The following LDLRAD1 variants were observed in gnomAD, a reference collection of about 807,000 sequenced individuals.
LDLRAD1 encodes low density lipoprotein receptor class A domain containing 1.
Under a neutral mutation model 24.8 loss-of-function variants are expected in LDLRAD1, and 17 were observed. The observed-to-expected ratio is 0.69, with a 90% CI of 0.47 to 1.03. LDLRAD1 has a LOEUF of 1.03. Among genes scored for constraint, LDLRAD1 ranks in the 50% least tolerant of loss-of-function variants. LDLRAD1 has a pLI of 0.00. For synonymous variants in LDLRAD1, 103 were observed against 108.2 expected, an observed-to-expected ratio of 0.95 and a Z score of 0.30; for missense variants, 277 against 271.0, an observed-to-expected ratio of 1.02 and a Z score of -0.16.
chr1:54,013,569 T>G (rs1242217817), intron 3 of LDLRAD1, among the ~76,000 whole-genome samples: 2 of 151,986 alleles, frequency 1.3e-5, no homozygotes, highest in Non-Finnish European at 2.9e-5. Context: ...ACTGGCCTCT[T>G]GCAGTCTCTT....
chr1:54,010,994 A>C (rs1039921919), intron 4 of LDLRAD1, among the ~76,000 whole-genome samples: 1 of 152,312 alleles, frequency 6.6e-6, no homozygotes, highest in East Asian at 1.9e-4. Context: ...AGGGAGCAAG[A>C]TTCTGTTCGT....
rs762367799 is a variant in LDLRAD1 at position 54,012,164 on chromosome 1, C to T, written c.319G>A (p.Asp107Asn). The change falls in exon 4 of 6, where the codon GAC becomes AAC. Residue 107 changes from aspartate (D) to asparagine (N), a missense_variant. Transcript: ENST00000371360. The part of the protein sequence containing the change: ...DGVRTCTHGE[D>N]EDESLCRDVP... ...TCACGGCACAAGCTCTCATCCTCGT[C>T]CTCGCCGTGGGTACAGGTGCGAACG... 5.0e-6 allele frequency: 8 copies of T among 1,613,950 alleles called. No individual in the cohort carries two copies. Among genetic ancestry groups the T allele is most frequent in the East Asian group, 4.5e-5 (2 of 44,896 alleles).
rs1334608819 is a variant in LDLRAD1, at chr1:54,015,660, TTTG to T, written c.74-1299_74-1297del. Reference sequence around the variant, plus strand: ...GGGGGCTTTTGTTTTTTTTGTTTTTTTTGTTTTTTTTTTGAGGCGGAGTCTTGC... The same window carrying T: ...GGGGGCTTTTGTTTTTTTTGTTTTTTTTTTTTTTTTGAGGCGGAGTCTTGC... On this transcript the variant is annotated intron_variant, in intron 2 of 5. Coordinates refer to ENST00000371360, the MANE Select transcript of LDLRAD1 (RefSeq NM_001010978.4). Among the ~76,000 whole-genome samples the T allele has an allele frequency of 5.2e-5, 7 of 134,448 alleles. 2 individuals carry two copies. Among genetic ancestry groups the T allele is most frequent in the Admixed American group, 8.4e-5 (1 of 11,898 alleles). 88.2% of individuals were successfully genotyped at this position (134,448 alleles called of 152,430 possible).
At chr1:54,011,396 A>G (rs1656043932) in intron 4 of LDLRAD1, among the ~76,000 whole-genome samples, 1 of 151,930 alleles carries the variant, frequency 6.6e-6, no homozygotes, top group Non-Finnish European at 1.5e-5. Context: ...GGATGCAAGC[A>G]GAGGCTGGGT....
chr1:54,012,362 G>A (rs1298558988), intron 3 of LDLRAD1, 82 bp from the exon 4 acceptor site: 9 of 1,495,812 alleles, frequency 6.0e-6, no homozygotes, highest in Non-Finnish European at 8.3e-6. Context: ...TCCGCCTAGA[G>A]CTGGCCTGAG....
At chr1:54,010,961 G>A (rs1405841215) in intron 4 of LDLRAD1, among the ~76,000 whole-genome samples, 2 of 152,200 alleles carry the variant, frequency 1.3e-5, no homozygotes, top group African/African-American at 4.8e-5. Flanking sequence ...CACATCACTA[G>A]AGGTAGAAAA....
Position 54,010,423 on chromosome 1 carries a change from A to T in LDLRAD1, c.341-13T>A, listed in dbSNP as rs772630434. 1 of 1,613,656 alleles carries T rather than the reference A, an allele frequency of 6.2e-7. No homozygotes were observed. Among genetic ancestry groups the T allele is most frequent in the South Asian group, 1.1e-5 (1 of 91,050 alleles). On this transcript the variant is annotated splice_polypyrimidine_tract_variant and intron_variant, in intron 4 of 5. Coordinates refer to ENST00000371360, the MANE Select transcript of LDLRAD1 (RefSeq NM_001010978.4). The stretch of plus-strand genomic sequence containing the variant: ...TGGGGCACATCTCCTGTAGAGGTAC[A>T]GAGGAGGCAGGAAGAAGTCCACATC...
At chr1:54,014,149 C>A in intron 3 of LDLRAD1, 87 bp downstream of exon 3, 1 of 1,481,426 alleles carries the variant, frequency 6.8e-7, no homozygotes. Context: ...GGTGGAGAAG[C>A]CAGGCAGGTC....
In LDLRAD1 at chr1:54,014,222, T is replaced by C; in HGVS notation, c.202+14A>G. On this transcript the variant is annotated intron_variant, in intron 3 of 5. Transcript: ENST00000371360. ...CCCGCCGGGTCTGACCCACCCTCTC[T>C]TGGCCGCCCTGACCTGGGGTGCATG... is the stretch of plus-strand genomic sequence containing the variant. 6.4e-7 allele frequency: 1 copy of C among 1,571,432 alleles called. No individual in the cohort carries two copies. Among genetic ancestry groups the C allele is most frequent in the Non-Finnish European group, 8.6e-7 (1 of 1,158,182 alleles).
At chr1:54,011,025 A>G (rs899702422) in intron 4 of LDLRAD1, among the ~76,000 whole-genome samples, 2 of 152,222 alleles carry the variant, frequency 1.3e-5, no homozygotes, top group Non-Finnish European at 2.9e-5. Flanking sequence ...AGACCCAGCT[A>G]GAAGGGCTGA....
intron 5 of LDLRAD1, among the ~76,000 whole-genome samples, chr1:54,009,557 C>T (rs957425710): frequency 2.6e-5 from 4 of 152,144 alleles, no homozygotes; most frequent in Non-Finnish European, 4.4e-5. Flanking sequence ...TACTGAAACC[C>T]GTCTATTCTT....
chr1:54,009,149 G>A lies in LDLRAD1; in HGVS notation c.470-19C>T. 2.5e-6 allele frequency: 4 copies of A among 1,612,320 alleles called. No homozygotes were observed. Among genetic ancestry groups the A allele is most frequent in the Non-Finnish European group, 3.4e-6 (4 of 1,179,398 alleles). ...ACAGTTACTGCAGAGACAAGAGCCAGCAGGAGAGCAGTTGCTGTGTCCTGG... is the reference window on the plus strand; with the variant it reads ...ACAGTTACTGCAGAGACAAGAGCCAACAGGAGAGCAGTTGCTGTGTCCTGG... On this transcript the variant is annotated intron_variant, in intron 5 of 5. Coordinates refer to ENST00000371360, the MANE Select transcript of LDLRAD1 (RefSeq NM_001010978.4).
At chr1:54,015,519 A>C (rs747686386) in intron 2 of LDLRAD1, among the ~76,000 whole-genome samples, 1 of 152,148 alleles carries the variant, frequency 6.6e-6, no homozygotes, top group Admixed American at 6.5e-5. Flanking sequence ...GACATGCCTG[A>C]AGGGGTGTGG....
chr1:54,009,195 A>G (rs1655944084), intron 5 of LDLRAD1, 65 bp from the exon 6 acceptor site: 1 of 1,523,656 alleles, frequency 6.6e-7, no homozygotes, highest in Non-Finnish European at 9.0e-7. Flanking sequence ...GCACCAGGGC[A>G]CTCCCTAGTT....
chr1:54,014,713 G>A (rs941281059), intron 2 of LDLRAD1, among the ~76,000 whole-genome samples: 9 of 152,032 alleles, frequency 5.9e-5, no homozygotes, highest in Non-Finnish European at 1.0e-4. Context: ...AGCTCCATTA[G>A]GCCCTTCATA....
chr1:54,008,962 T>C lies in LDLRAD1; in HGVS notation c.*20A>G. ...CAGTGCCATTCCAGCCAGCCTTCCA[T>C]GCTGGCCTGAGTGGCCCACTCAGGG... On this transcript the variant is annotated 3_prime_UTR_variant, in exon 6 of 6. Transcript: ENST00000371360. 6.3e-7 allele frequency: 1 copy of C among 1,598,990 alleles called. No homozygotes were observed. Among genetic ancestry groups the C allele is most frequent in the Non-Finnish European group, 8.6e-7 (1 of 1,169,510 alleles).
intron 5 of LDLRAD1, 30 bp downstream of exon 5, chr1:54,010,252 C>A: frequency 1.2e-6 from 2 of 1,612,224 alleles, no homozygotes; most frequent in Non-Finnish European, 1.7e-6. Flanking sequence ...TGGACACCAG[C>A]CCCAGCCCAG....
chr1:54,011,687 C>G (rs1656056233), intron 4 of LDLRAD1, among the ~76,000 whole-genome samples: 1 of 152,166 alleles, frequency 6.6e-6, no homozygotes, highest in Non-Finnish European at 1.5e-5. Context: ...CCCCTCTGTG[C>G]TAGGCACTGG....
Position 54,010,275 on chromosome 1 carries a change from C to G in LDLRAD1, c.469+7G>C. The G allele has an allele frequency of 5.0e-6, 8 of 1,613,904 alleles. No individual in the cohort carries two copies. Among genetic ancestry groups the G allele is most frequent in the Non-Finnish European group, 6.8e-6 (8 of 1,179,914 alleles). On this transcript the variant is annotated splice_region_variant and intron_variant, in intron 5 of 5. Transcript: ENST00000371360. ...AGCCCCAGCCCAGCCTGTGCCCAGA[C>G]CCCTACCTGGGCTCAGTTCATCTGA...
Sources: gnomAD v4.1 joint callset for allele counts (sites outside exome capture counted in the v4.1 genomes callset) on GRCh38, gnomAD v4.1.1 for gene constraint, MANE v1.5 for transcripts, NCBI Gene and HGNC (gene_info 2026-07-23, HGNC 2026-07-21) for gene names.